Variants in CLEC2A observed in about 807,000 individuals in gnomAD.
CLEC2A encodes the protein C-type lectin domain family 2 member A.
A neutral mutation model predicts 18.6 loss-of-function variants in CLEC2A; 19 were observed. That is an observed-to-expected ratio of 1.02 (90% CI 0.71 to 1.50). CLEC2A has a LOEUF of 1.50. CLEC2A is among the 40% of genes most tolerant of loss of function. CLEC2A has a pLI of 0.00. For missense variants in CLEC2A, 190 were observed against 207.9 expected (o/e 0.91, Z 0.53); for synonymous variants, 74 against 64.0 (o/e 1.16, Z -0.75).
At chr12:9,916,250 C>G (rs1186970545) in intron 4 of CLEC2A, among the ~76,000 whole-genome samples, 2 of 151,770 alleles carry the variant, frequency 1.3e-5, no homozygotes, top group Non-Finnish European at 2.9e-5. Flanking sequence ...TAAATAAAAA[C>G]AAGTAGTATT....
the CLEC2A span, among the ~76,000 whole-genome samples, chr12:9,882,075 G>C: frequency 3.3e-5 from 5 of 151,706 alleles, no homozygotes; most frequent in Admixed American, 6.6e-5. Flanking sequence ...CTATAGGATT[G>C]GTAGAACAAT....
downstream of CLEC2A, among the ~76,000 whole-genome samples, chr12:9,895,292 A>G (rs1463044144): frequency 6.6e-6 from 1 of 152,238 alleles, no homozygotes; most frequent in African/African-American, 2.4e-5. Context: ...ATAGGAAACA[A>G]AACTGAAATT....
intron 4 of CLEC2A, among the ~76,000 whole-genome samples, chr12:9,905,976 GA>G (rs1862900964): frequency 6.7e-6 from 1 of 150,246 alleles, no homozygotes; most frequent in African/African-American, 2.5e-5. Context: ...GTTAGTCCTG[GA>G]TTTCTTCCCC....
In CLEC2A at chr12:9,918,438, A is replaced by G. The variant is rs147525609; in HGVS notation, c.307-1635T>C. ...GTGTGTCCTTATTTCTGGGCTCTCT[A>G]TTCTGTTCCACTGGTCTATGTGCCT... is the stretch of plus-strand genomic sequence containing the variant. On this transcript the variant is annotated intron_variant, in intron 3 of 4. Transcript: ENST00000455827. 1.1e-3 allele frequency among the ~76,000 whole-genome samples: 167 copies of G among 152,160 alleles called. 1 individual carries two copies. The highest frequency in any genetic ancestry group is 1.2e-3 in the East Asian group (6 of 5,178).
chr12:9,893,324 AT>A, the CLEC2A span: 2 of 821,118 alleles, frequency 2.4e-6, no homozygotes, highest in Non-Finnish European at 3.7e-6. Flanking sequence ...GCTAATGTAT[AT>A]GAAAAAATAT....
chr12:9,906,219 C>G (rs779502796), intron 4 of CLEC2A, among the ~76,000 whole-genome samples: 1 of 151,956 alleles, frequency 6.6e-6, no homozygotes, highest in Non-Finnish European at 1.5e-5. Flanking sequence ...ACCCATTTTC[C>G]TTCTTGGTTT....
At chr12:9,922,267 A>T in intron 2 of CLEC2A, 35 bp from the exon 3 acceptor site, 1 of 1,479,412 alleles carries the variant, frequency 6.8e-7, no homozygotes, top group Non-Finnish European at 9.0e-7. Context: ...CAGATAAAGC[A>T]TATGTTAAAA....
chr12:9,881,012 A>C, the CLEC2A span, among the ~76,000 whole-genome samples: 1 of 152,228 alleles, frequency 6.6e-6, no homozygotes, highest in Non-Finnish European at 1.5e-5. Flanking sequence ...AACAAACAAA[A>C]AAGTTTAAAA....
chr12:9,923,165 T>C (rs1863202422), intron 2 of CLEC2A, among the ~76,000 whole-genome samples: 1 of 152,106 alleles, frequency 6.6e-6, no homozygotes, highest in African/African-American at 2.4e-5. Flanking sequence ...ATGCATTAGG[T>C]ATTTTGCAAT....
intron 3 of CLEC2A, among the ~76,000 whole-genome samples, chr12:9,921,269 A>G (rs1240045760): frequency 3.9e-5 from 6 of 152,164 alleles, no homozygotes; most frequent in Non-Finnish European, 7.4e-5. Context: ...TGTGCAGTCA[A>G]AAGTCTGTAT....
At chr12:9,895,842 CCAAA>C (rs1472128995), downstream of CLEC2A, 1 of 1,516,574 alleles carries the variant, frequency 6.6e-7, no homozygotes, top group Non-Finnish European at 8.8e-7. Flanking sequence ...AAATGTACAA[CCAAA>C]CATAGAAATA....
At chr12:9,885,388 G>A in the CLEC2A span, among the ~76,000 whole-genome samples, 1 of 151,662 alleles carries the variant, frequency 6.6e-6, no homozygotes. Context: ...TAGACTTCCA[G>A]ACTTTTTTCT....
the CLEC2A span, among the ~76,000 whole-genome samples, chr12:9,889,014 A>G: frequency 6.6e-6 from 1 of 152,304 alleles, no homozygotes; most frequent in East Asian, 1.9e-4. Flanking sequence ...TAGTGAGTCA[A>G]CAACAGGATG....
At chr12:9,886,553 G>A in the CLEC2A span, among the ~76,000 whole-genome samples, 22 of 152,250 alleles carry the variant, frequency 1.4e-4, no homozygotes, top group African/African-American at 5.1e-4. Flanking sequence ...TTTCAGAGAG[G>A]AGAGTCAGAG....
At chr12:9,907,129 T>C (rs113808105) in intron 4 of CLEC2A, among the ~76,000 whole-genome samples, 227 of 152,294 alleles carry the variant, frequency 1.5e-3, no homozygotes, top group African/African-American at 5.3e-3. Flanking sequence ...TTGTACTAGG[T>C]TTAAAACCTT....
the CLEC2A span, among the ~76,000 whole-genome samples, chr12:9,883,925 G>T: frequency 7.8e-4 from 118 of 152,168 alleles, 1 homozygote; most frequent in East Asian, 5.8e-4. Flanking sequence ...TACAACCAAG[G>T]TGATGAAATT....
chr12:9,902,394 G>T (rs1862843698), intron 4 of CLEC2A, among the ~76,000 whole-genome samples: 1 of 151,874 alleles, frequency 6.6e-6, no homozygotes, highest in Non-Finnish European at 1.5e-5. Flanking sequence ...CATTGCGCCT[G>T]GTTAATTTTT....
the CLEC2A span, chr12:9,888,652 T>C: frequency 2.6e-5 from 20 of 759,154 alleles, no homozygotes; most frequent in Admixed American, 4.3e-4. Context: ...CTTCATTTTC[T>C]GCTGGTACTT....
At chr12:9,893,373 A>T in the CLEC2A span, 2 of 894,154 alleles carry the variant, frequency 2.2e-6, no homozygotes, top group African/African-American at 1.7e-5. Flanking sequence ...ACACTATAGA[A>T]GGCATCAAAA....
Sources: allele counts gnomAD v4.1 joint callset (sites outside exome capture counted in the v4.1 genomes callset), GRCh38; gene constraint gnomAD v4.1.1; transcripts MANE v1.5; gene names NCBI Gene and HGNC (gene_info 2026-07-23, HGNC 2026-07-21).